The following LAMA3 variants were observed in gnomAD, a reference collection of about 807,000 sequenced individuals.
LAMA3 encodes laminin subunit alpha 3.
In LAMA3, 281 loss-of-function variants were observed where a neutral mutation model predicts 402.0. The observed-to-expected ratio is 0.70, with a 90% CI of 0.63 to 0.77. The LOEUF is 0.77. LAMA3 is among the 30% of genes least tolerant of loss of function. The probability of loss-of-function intolerance (pLI) is 0.00; values close to 1 mark genes in which losing one functional copy is unlikely to be tolerated. For missense variants in LAMA3, 3,840 were observed against 4,215.5 expected (o/e 0.91, Z 2.47); for synonymous variants, 1,431 against 1,558.4 (o/e 0.92, Z 1.93).
chr18:23,851,289 CGTCTCCT>C (rs2063938866), intron 32 of LAMA3, among the ~76,000 whole-genome samples: 1 of 152,196 alleles, frequency 6.6e-6, no homozygotes, highest in Non-Finnish European at 1.5e-5. Flanking sequence ...TGTCGTCCTT[CGTCTCCT>C]GTAATACTGG....
chr18:23,847,425 C>T (rs1373670409), intron 31 of LAMA3, 39 bp from the exon 32 acceptor site: 1 of 1,601,058 alleles, frequency 6.2e-7, no homozygotes, highest in Non-Finnish European at 8.5e-7. Flanking sequence ...CCCAGGCGGC[C>T]TTTGACCCTC....
intron 41 of LAMA3, among the ~76,000 whole-genome samples, 193 bp downstream of exon 41, chr18:23,885,046 C>T (rs904579501): frequency 6.6e-6 from 1 of 152,056 alleles, no homozygotes; most frequent in African/African-American, 2.4e-5. Flanking sequence ...CTGCTTTGTA[C>T]GTTTCAGAAA....
chr18:23,783,912 C>A, intron 11 of LAMA3, 111 bp from the exon 12 acceptor site: 1 of 1,350,908 alleles, frequency 7.4e-7, no homozygotes, highest in Non-Finnish European at 1.1e-6. Flanking sequence ...TGTTTAACAG[C>A]CATAGATAAT....
chr18:23,785,505 G>T (rs1373122611), intron 12 of LAMA3, among the ~76,000 whole-genome samples: 1 of 152,206 alleles, frequency 6.6e-6, no homozygotes, highest in East Asian at 1.9e-4. Context: ...ATAATTCATT[G>T]TTGTGAGGGT....
Position 23,848,697 on chromosome 18 carries a change from G to C in LAMA3, c.4136+1029G>C, listed in dbSNP as rs543615932. Among the ~76,000 whole-genome samples the C allele has an allele frequency of 3.9e-5, 6 of 152,304 alleles. No individual in the cohort carries two copies. In the South Asian group the frequency reaches 6.2e-4, roughly 16 times the overall value. ...CAGTGACTCCCACTTGAGGGTGGCT[G>C]TGGTAGTCTCCCATGACTGCCATTA... On this transcript the variant is annotated intron_variant, in intron 32 of 74. Coordinates refer to ENST00000313654, the MANE Select transcript of LAMA3 (RefSeq NM_198129.4).
At chr18:23,824,311 A>T (rs1452975823) in intron 20 of LAMA3, 112 bp from the exon 21 acceptor site, 5 of 1,033,610 alleles carry the variant, frequency 4.8e-6, no homozygotes, top group South Asian at 1.3e-5. Flanking sequence ...TGATCAGTAC[A>T]TATCATCTTA....
chr18:23,954,463 A>T (rs1276810068), intron 74 of LAMA3, 40 bp from the exon 75 acceptor site: 3 of 1,557,892 alleles, frequency 1.9e-6, no homozygotes, highest in Non-Finnish European at 2.7e-6. Flanking sequence ...CCTGGACAGT[A>T]TGAATTATTT....
intron 66 of LAMA3, 100 bp downstream of exon 66, chr18:23,932,391 G>A (rs1599132892): frequency 1.6e-6 from 2 of 1,287,502 alleles, no homozygotes; most frequent in East Asian, 2.4e-5. Flanking sequence ...GTCAACATGT[G>A]CTGCACGAGA....
intron 12 of LAMA3, among the ~76,000 whole-genome samples, chr18:23,806,965 C>T (rs1300624027): frequency 1.3e-5 from 2 of 152,172 alleles, no homozygotes; most frequent in African/African-American, 4.8e-5. Context: ...AAATGTTCTA[C>T]GTTATCAAAT....
chr18:23,919,289 A>T (rs1225749680), intron 60 of LAMA3, among the ~76,000 whole-genome samples: 1 of 152,180 alleles, frequency 6.6e-6, no homozygotes, highest in East Asian at 1.9e-4. Context: ...AGGCATTCTT[A>T]TCATTAAGGA....
chr18:23,773,640 A>G, intron 9 of LAMA3, 53 bp downstream of exon 9: 1 of 1,155,584 alleles, frequency 8.7e-7, no homozygotes, highest in South Asian at 1.3e-5. Flanking sequence ...TGCCTCAGCG[A>G]AGTCATCAGG....
chr18:23,818,729 A>AT (rs886879911), intron 18 of LAMA3, among the ~76,000 whole-genome samples: 10 of 152,088 alleles, frequency 6.6e-5, no homozygotes, highest in Non-Finnish European at 1.3e-4. Flanking sequence ...TTTTTGGTGT[A>AT]TTTTTTCTAG....
Position 23,954,751 on chromosome 18 carries a change from C to T in LAMA3, c.*103C>T, listed in dbSNP as rs771084327. ...ATCATTCTTCACTCAGGACACAAAC[C>T]AGACAGGTTTAATAGCGAATCTAAT... On this transcript the variant is annotated 3_prime_UTR_variant, in exon 75 of 75. Coordinates refer to ENST00000313654, the MANE Select transcript of LAMA3 (RefSeq NM_198129.4). The T allele has an allele frequency of 1.3e-4, 167 of 1,252,322 alleles. No individual in the cohort carries two copies. The highest frequency in any genetic ancestry group is 7.6e-5 in the Non-Finnish European group (65 of 855,578). The allele number at this position is 1,252,322 out of a possible 1,614,324, so 77.6% of individuals were successfully genotyped here.
chr18:23,863,906 A>G (rs1407680352), intron 35 of LAMA3, among the ~76,000 whole-genome samples: 3 of 152,234 alleles, frequency 2.0e-5, no homozygotes, highest in African/African-American at 7.2e-5. Flanking sequence ...CACCACCATC[A>G]TGCTGCTTGT....
rs2081476198 is a variant in LAMA3 at position 23,912,736 on chromosome 18, G to T, written c.7184G>T (p.Gly2395Val). 2 of 1,614,124 alleles carry T rather than the reference G, an allele frequency of 1.2e-6. No homozygotes were observed. Among genetic ancestry groups the T allele is most frequent in the Non-Finnish European group, 8.5e-7 (1 of 1,179,984 alleles). ...GTTGCTGTCCCCATGAGGTTCAATG[G>T]TAAATCTGGAGTCGAAGTCCGACTG... is the stretch of plus-strand genomic sequence containing the variant. ...SKVAVPMRFN[G>V]KSGVEVRLPN... is the part of the protein sequence containing the mutation. Residue 2395 changes from glycine (G) to valine (V), a missense_variant, in exon 56 of 75, where the codon GGT becomes GTT. Gly to Val is a moderately radical substitution (Grantham distance 109). Transcript: ENST00000313654.
In LAMA3 at chr18:23,846,335, G is replaced by A; in HGVS notation, c.3758G>A (p.Arg1253Lys). ...TCCAGATTCTGTAAGAATTCCGCCA[G>A]GTCCCTGGTGGCCTTTTACCACAAG... Reference protein sequence around the residue: ...TASRFCKNSARSLVAFYHKGA... With the variant: ...TASRFCKNSAKSLVAFYHKGA... Residue 1253 changes from arginine (R) to lysine (K), a missense_variant, in exon 31 of 75, where the codon AGG becomes AAG. By Grantham distance (26) the Arg-to-Lys change is conservative (BLOSUM62 2). Coordinates refer to ENST00000313654, the MANE Select transcript of LAMA3 (RefSeq NM_198129.4). 5 of 1,614,260 alleles carry A rather than the reference G, an allele frequency of 3.1e-6. No homozygotes were observed. The highest frequency in any genetic ancestry group is 4.2e-6 in the Non-Finnish European group (5 of 1,180,044).
At chr18:23,940,006 T>C (rs1229669066) in intron 68 of LAMA3, among the ~76,000 whole-genome samples, 1 of 152,246 alleles carries the variant, frequency 6.6e-6, no homozygotes, top group East Asian at 1.9e-4. Context: ...GAGCTGGCTC[T>C]AACATCTGGC....
At chr18:23,848,400 C>T (rs989758331) in intron 32 of LAMA3, among the ~76,000 whole-genome samples, 1 of 152,196 alleles carries the variant, frequency 6.6e-6, no homozygotes, top group Non-Finnish European at 1.5e-5. Flanking sequence ...TTCCAGGTGA[C>T]AAGCCTGATC....
intron 39 of LAMA3, 113 bp downstream of exon 39, chr18:23,876,520 G>T: frequency 1.4e-6 from 1 of 710,932 alleles, no homozygotes; most frequent in Non-Finnish European, 2.5e-6. Context: ...CTAAATAGAG[G>T]TCGCTGTGTA....
Sources: allele counts gnomAD v4.1 joint callset (sites outside exome capture counted in the v4.1 genomes callset), GRCh38; gene constraint gnomAD v4.1.1; transcripts MANE v1.5; gene names NCBI Gene and HGNC (gene_info 2026-07-23, HGNC 2026-07-21).